The following KIF21A variants were observed in gnomAD, a reference collection of about 807,000 sequenced individuals.
The protein encoded by KIF21A is kinesin family member 21A, also known as kinesin-like protein KIF21A.
KIF21A carries 114 observed loss-of-function variants against 202.9 expected under a neutral mutation model. The observed-to-expected ratio is 0.56, with a 90% CI of 0.48 to 0.66. The LOEUF (loss-of-function observed/expected upper bound fraction) is 0.66. Ranked by LOEUF, KIF21A falls within the 30% of genes least tolerant of loss-of-function variation. The pLI is 0.00. For synonymous variants in KIF21A, 667 were observed against 670.8 expected, an observed-to-expected ratio of 0.99 and a Z score of 0.09; for missense variants, 1,677 against 1,994.9, an observed-to-expected ratio of 0.84 and a Z score of 3.04.
At chr12:39,364,157 A>ATTATCCAAAATGTTG in intron 6 of KIF21A, among the ~76,000 whole-genome samples, 1 of 152,346 alleles carries the variant, frequency 6.6e-6, no homozygotes, top group Middle Eastern at 3.4e-3. Context: ...CAAGATAAAC[A>ATTATCCAAAATGTTG]TTATCCAAAA....
At chr12:39,415,406 AT>A (rs1468165572) in intron 1 of KIF21A, among the ~76,000 whole-genome samples, 2 of 151,272 alleles carry the variant, frequency 1.3e-5, no homozygotes, top group Admixed American at 1.3e-4. Context: ...CGCCCGGCTA[AT>A]TTTTTTGTAT....
intron 10 of KIF21A, among the ~76,000 whole-genome samples, chr12:39,354,688 A>G (rs1326157543): frequency 3.9e-5 from 6 of 152,204 alleles, no homozygotes; most frequent in Non-Finnish European, 8.8e-5. Flanking sequence ...CTGTGAATAA[A>G]TGTCTTCCTA....
At chr12:39,303,871 TA>T (rs1368568848) in intron 35 of KIF21A, among the ~76,000 whole-genome samples, 1 of 152,192 alleles carries the variant, frequency 6.6e-6, no homozygotes, top group Admixed American at 6.5e-5. Context: ...GCTAGTGTCA[TA>T]AAAAATAAAC....
chr12:39,413,909 A>AT (rs1302188793), intron 1 of KIF21A, among the ~76,000 whole-genome samples: 2 of 152,048 alleles, frequency 1.3e-5, no homozygotes, highest in Non-Finnish European at 2.9e-5. Flanking sequence ...TTGTTTTCCC[A>AT]TAAAAAAAAA....
chr12:39,394,745 C>T (rs981984567), intron 1 of KIF21A, among the ~76,000 whole-genome samples: 1 of 152,176 alleles, frequency 6.6e-6, no homozygotes, highest in Non-Finnish European at 1.5e-5. Context: ...GGTGTCATTG[C>T]CTTTGATTCT....
In KIF21A at chr12:39,298,596, T is replaced by A. The variant is rs577086914; in HGVS notation, c.4931+2884A>T. On this transcript the variant is annotated intron_variant, in intron 37 of 37. Transcript: ENST00000361418. ...CTACTCTAGACCTACCTAACAAAGG[T>A]TAAAAACAAGTGTTAAAAACATAAA... 2.6e-3 allele frequency among the ~76,000 whole-genome samples: 396 copies of A among 152,166 alleles called. 3 individuals are homozygous for A. The highest frequency in any genetic ancestry group is 8.7e-3 in the African/African-American group (362 of 41,528).
intron 1 of KIF21A, among the ~76,000 whole-genome samples, chr12:39,435,962 A>G (rs1456248934): frequency 6.6e-6 from 1 of 152,164 alleles, no homozygotes; most frequent in African/African-American, 2.4e-5. Context: ...GCATTTCTTT[A>G]TATTTTAATA....
intron 12 of KIF21A, among the ~76,000 whole-genome samples, chr12:39,343,259 C>T (rs1039967144): frequency 2.0e-5 from 3 of 151,978 alleles, no homozygotes; most frequent in Non-Finnish European, 4.4e-5. Context: ...ACTAAGGAGG[C>T]TGGGGCAGGA....
intron 12 of KIF21A, among the ~76,000 whole-genome samples, chr12:39,345,110 C>A (rs1171681221): frequency 6.6e-6 from 1 of 152,170 alleles, no homozygotes; most frequent in Non-Finnish European, 1.5e-5. Flanking sequence ...CCTAGGAGAT[C>A]TGTACACACG....
At chr12:39,354,386 A>G (rs962600010) in intron 10 of KIF21A, among the ~76,000 whole-genome samples, 4 of 152,184 alleles carry the variant, frequency 2.6e-5, no homozygotes, top group Non-Finnish European at 5.9e-5. Flanking sequence ...CATTGGAAAA[A>G]TATTGAAGAG....
intron 3 of KIF21A, among the ~76,000 whole-genome samples, chr12:39,369,483 A>C (rs562904420): frequency 6.6e-6 from 1 of 152,240 alleles, no homozygotes; most frequent in East Asian, 1.9e-4. Context: ...GGGGGTTCTT[A>C]AATAAACAAT....
chr12:39,435,626 C>G (rs1158114292), intron 1 of KIF21A, among the ~76,000 whole-genome samples: 1 of 152,182 alleles, frequency 6.6e-6, no homozygotes, highest in Non-Finnish European at 1.5e-5. Context: ...CCTCCATCTT[C>G]CATTCCAGAT....
intron 6 of KIF21A, among the ~76,000 whole-genome samples, chr12:39,365,321 A>T (rs908738691): frequency 6.6e-6 from 1 of 152,198 alleles, no homozygotes; most frequent in Admixed American, 6.5e-5. Flanking sequence ...AATCAGCTCT[A>T]TCTGGGCAGC....
intron 1 of KIF21A, among the ~76,000 whole-genome samples, chr12:39,435,867 T>G (rs1423577765): frequency 6.6e-6 from 1 of 152,188 alleles, no homozygotes; most frequent in African/African-American, 2.4e-5. Flanking sequence ...ACATACGAAT[T>G]TTATTTCTGT....
chr12:39,420,601 C>T (rs1299662276), intron 1 of KIF21A, among the ~76,000 whole-genome samples: 1 of 152,044 alleles, frequency 6.6e-6, no homozygotes, highest in Non-Finnish European at 1.5e-5. Context: ...GGCAGTAAGG[C>T]GAGTCCCCCT....
Position 39,442,950 on chromosome 12 carries a change from C to A in KIF21A, c.21G>T (p.Glu7Asp), listed in dbSNP as rs942928510. 4 of 1,523,800 alleles carry A rather than the reference C, an allele frequency of 2.6e-6. No individual in the cohort carries two copies. The highest frequency in any genetic ancestry group is 3.5e-6 in the Non-Finnish European group (4 of 1,142,690). The allele number at this position is 1,523,800 out of a possible 1,614,324, so 94.4% of individuals were successfully genotyped here. ...ACCTGACAGCCACCCGCACGGAGCT[C>A]TCGTCCGGGGCGCCCAACATGCTGG... Reference protein sequence around the residue: MLGAPDESSVRVAVRIR... With the variant: MLGAPDDSSVRVAVRIR... Residue 7 changes from glutamate (E) to aspartate (D), a missense_variant, in exon 1 of 38, where the codon GAG (glutamate) becomes GAT (aspartate). Glu to Asp is a conservative substitution (Grantham distance 45). This residue lies in a region of KIF21A where 966 missense variants were observed against 1,180.9 expected (regional missense o/e 0.82). Transcript: ENST00000361418. The surrounding 1 kb of genome is among the most constrained non-coding windows in gnomAD (Gnocchi z 5.0).
chr12:39,350,474 T>A (rs1362367592), intron 11 of KIF21A, among the ~76,000 whole-genome samples: 2 of 152,050 alleles, frequency 1.3e-5, no homozygotes, highest in Non-Finnish European at 2.9e-5. Flanking sequence ...CATTTGACAT[T>A]TTGACCAACT....
chr12:39,296,361 G>A (rs755956201), intron 37 of KIF21A, among the ~76,000 whole-genome samples: 3 of 152,076 alleles, frequency 2.0e-5, no homozygotes, highest in East Asian at 1.9e-4. Context: ...GAGCCACCAC[G>A]CCTGGCCAGG....
At chr12:39,306,936 C>T (rs1221543094) in intron 34 of KIF21A, among the ~76,000 whole-genome samples, 1 of 152,090 alleles carries the variant, frequency 6.6e-6, no homozygotes, top group Non-Finnish European at 1.5e-5. Flanking sequence ...TGAATGTTTC[C>T]TTGCTGCCAA....
Sources: gnomAD v4.1 joint callset for allele counts (sites outside exome capture counted in the v4.1 genomes callset) on GRCh38, gnomAD v4.1.1 for gene constraint, gnomAD v4.1.1 regional missense constraint, Gnocchi (gnomAD v3.1) non-coding constraint, MANE v1.5 for transcripts, NCBI Gene and HGNC (gene_info 2026-07-23, HGNC 2026-07-21) for gene names.